ZNF507: variants seen among roughly 807,000 people sequenced by gnomAD.
ZNF507 encodes the protein zinc finger protein 507.
ZNF507 carries 29 observed loss-of-function variants against 80.0 expected under a neutral mutation model. The observed-to-expected ratio is 0.36, with a 90% CI of 0.27 to 0.49. ZNF507 has a LOEUF of 0.49. Ranked by LOEUF, ZNF507 falls within the 20% of genes least tolerant of loss-of-function variation. The pLI is 0.98. For missense variants in ZNF507, 1,081 were observed against 1,152.2 expected (o/e 0.94, Z 0.90); for synonymous variants, 462 against 422.5 (o/e 1.09, Z -1.15).
rs1414830882 is a variant in ZNF507 at position 32,385,667 on chromosome 19, A to C, written c.*2584A>C. ...CTGTCTCTACAAGAAATTAAAAATT[A>C]GCCAGGCATAGTTGGCACGTGCCTG... On this transcript the variant is annotated 3_prime_UTR_variant, in exon 7 of 7. Transcript: ENST00000355898. The C allele has an allele frequency of 6.6e-6, 1 of 152,236 alleles. No individual in the cohort carries two copies. Among genetic ancestry groups the C allele is most frequent in the East Asian group, 1.9e-4 (1 of 5,192 alleles). The allele number at this position is 152,236 out of a possible 1,614,324, so 9.4% of individuals were successfully genotyped here.
At chr19:32,381,788 G>A (rs1967626271) in intron 5 of ZNF507, among the ~76,000 whole-genome samples, 2 of 152,118 alleles carry the variant, frequency 1.3e-5, no homozygotes, top group African/African-American at 4.8e-5. Context: ...GGGAGGAGGG[G>A]TTATAGGAGG....
intron 5 of ZNF507, chr19:32,380,650 G>C: frequency 3.9e-6 from 6 of 1,531,026 alleles, no homozygotes; most frequent in Non-Finnish European, 5.3e-6. Context: ...TGTTAGGTTT[G>C]TAATTAAGTA....
In ZNF507 at chr19:32,382,998, T is replaced by C; in HGVS notation, c.2777T>C (p.Leu926Pro). 6.2e-7 allele frequency: 1 copy of C among 1,614,146 alleles called. No individual in the cohort carries two copies. The change falls in exon 7 of 7, where the codon CTC becomes CCC. Residue 926 changes from leucine to proline, a missense_variant. Transcript: ENST00000355898. The stretch of plus-strand genomic sequence containing the variant: ...TTTGAATCAACCAGCAAAGAAAACC[T>C]CTTGGATCATATGAAAGAGCACGAG... ...CGFESTSKEN[L>P]LDHMKEHEGE... is the part of the protein sequence containing the mutation.
chr19:32,356,739 T>C lies in ZNF507; in HGVS notation c.2245+6T>C. 3 of 1,608,788 alleles carry C rather than the reference T, an allele frequency of 1.9e-6. No individual in the cohort carries two copies. Among genetic ancestry groups the C allele is most frequent in the Non-Finnish European group, 2.6e-6 (3 of 1,175,172 alleles). ...TGGAAAATGTGTCCAGGAAGGTATC[T>C]ATGTATTTTGTTATGCAGGCTGCAG... On this transcript the variant is annotated splice_donor_region_variant and intron_variant, in intron 4 of 6. Coordinates refer to ENST00000355898, the MANE Select transcript of ZNF507 (RefSeq NM_001136156.2).
intron 5 of ZNF507, chr19:32,380,673 G>A: frequency 6.6e-7 from 1 of 1,509,270 alleles, no homozygotes; most frequent in East Asian, 2.5e-5. Flanking sequence ...TAACAAAAAT[G>A]TCTTTGGAAA....
intron 5 of ZNF507, among the ~76,000 whole-genome samples, chr19:32,374,156 G>A (rs949723587): frequency 7.2e-5 from 8 of 110,496 alleles, no homozygotes; most frequent in African/African-American, 1.6e-4. Flanking sequence ...GCTCGGAACC[G>A]TGCAAAGCAA....
chr19:32,352,713 C>A, intron 2 of ZNF507, 116 bp from the exon 3 acceptor site: 1 of 905,710 alleles, frequency 1.1e-6, no homozygotes, highest in Non-Finnish European at 1.6e-6. Flanking sequence ...GAGCTTCCAG[C>A]TTAGAAAATA....
At chr19:32,348,890 G>A (rs190517012) in intron 2 of ZNF507, among the ~76,000 whole-genome samples, 143 of 152,194 alleles carry the variant, frequency 9.4e-4, no homozygotes, top group African/African-American at 3.3e-3. Flanking sequence ...TGCTTTTCTG[G>A]TCACTGCTAC....
In ZNF507 at chr19:32,352,814, C is replaced by T; in HGVS notation, c.-2-15C>T. ...TGTAACCTGGTATTTTTCTGTTTTA[C>T]ATTATCCTTTTTAGATATGGAAGAA... On this transcript the variant is annotated splice_polypyrimidine_tract_variant and intron_variant, in intron 2 of 6. Coordinates refer to ENST00000355898, the MANE Select transcript of ZNF507 (RefSeq NM_001136156.2). 1.3e-6 allele frequency: 2 copies of T among 1,546,500 alleles called. No homozygotes were observed. Among genetic ancestry groups the T allele is most frequent in the Admixed American group, 2.2e-5 (1 of 46,258 alleles).
chr19:32,361,731 CTTCCT>C (rs1336633815), intron 5 of ZNF507, among the ~76,000 whole-genome samples: 59 of 143,516 alleles, frequency 4.1e-4, no homozygotes, highest in Non-Finnish European at 6.8e-4. Flanking sequence ...TCTTCCTTTC[CTTCCT>C]TTCCTTTCCT....
chr19:32,372,876 T>C (rs985555042), intron 5 of ZNF507, among the ~76,000 whole-genome samples: 10 of 152,224 alleles, frequency 6.6e-5, no homozygotes, highest in Non-Finnish European at 1.2e-4. Context: ...ACTGTGGTGC[T>C]GTGTGTCTTA....
At chr19:32,346,916 A>G (rs901086942) in intron 1 of ZNF507, among the ~76,000 whole-genome samples, 1 of 152,210 alleles carries the variant, frequency 6.6e-6, no homozygotes, top group African/African-American at 2.4e-5. Context: ...GCAATGTGCA[A>G]TTTATTGTTC....
chr19:32,356,196 C>T (rs573695386), intron 3 of ZNF507, among the ~76,000 whole-genome samples: 3 of 152,298 alleles, frequency 2.0e-5, no homozygotes, highest in African/African-American at 4.8e-5. Flanking sequence ...CTTGGAGGAG[C>T]ACTTCCAGTT....
chr19:32,386,371 T>C lies in ZNF507; in HGVS notation c.*3288T>C, dbSNP rs1967689785. ...AGACTTATTGTGTTTTTAGTTTTCA[T>C]AGACACTTATTTAATCTTTTTAAAT... is the stretch of plus-strand genomic sequence containing the variant. On this transcript the variant is annotated 3_prime_UTR_variant, in exon 7 of 7. Coordinates refer to ENST00000355898, the MANE Select transcript of ZNF507 (RefSeq NM_001136156.2). The C allele has an allele frequency of 1.3e-5, 2 of 152,648 alleles. No individual in the cohort carries two copies. The highest frequency in any genetic ancestry group is 2.4e-5 in the African/African-American group (1 of 41,468). The allele number at this position is 152,648 out of a possible 1,614,324, so 9.5% of individuals were successfully genotyped here.
intron 4 of ZNF507, 25 bp from the exon 5 acceptor site, chr19:32,360,479 T>C: frequency 7.2e-7 from 1 of 1,391,508 alleles, no homozygotes; most frequent in Non-Finnish European, 9.8e-7. Flanking sequence ...AGCCTGCTAC[T>C]AAAACTCTGA....
intron 3 of ZNF507, among the ~76,000 whole-genome samples, chr19:32,356,415 G>A (rs546236250): frequency 5.1e-4 from 77 of 152,156 alleles, no homozygotes; most frequent in Non-Finnish European, 7.6e-4. Flanking sequence ...GGAACTGTCC[G>A]TTGAATGTGA....
rs772981292 is a variant in ZNF507 at position 32,353,410 on chromosome 19, G to A, written c.580G>A (p.Val194Ile). ...IHTQSKAQQC[V>I]SPSSSLCRKT... The stretch of plus-strand genomic sequence containing the variant: ...CACCCAATCCAAAGCCCAACAGTGC[G>A]TAAGCCCCTCCAGCTCTTTGTGTCG... Residue 194 changes from valine to isoleucine, a missense_variant, in exon 3 of 7, where the codon GTA (valine) becomes ATA (isoleucine). By Grantham distance (29) the Val-to-Ile change is conservative. Coordinates refer to ENST00000355898, the MANE Select transcript of ZNF507 (RefSeq NM_001136156.2). 39 of 1,614,174 alleles carry A rather than the reference G, an allele frequency of 2.4e-5. 1 individual carries two copies. Among genetic ancestry groups the A allele is most frequent in the South Asian group, 1.9e-4 (17 of 91,078 alleles).
intron 2 of ZNF507, among the ~76,000 whole-genome samples, chr19:32,350,143 T>C (rs1207073077): frequency 1.3e-5 from 2 of 152,016 alleles, no homozygotes; most frequent in Admixed American, 1.3e-4. Flanking sequence ...ATTGAAAGAG[T>C]TGGCCTTACA....
At chr19:32,365,511 A>G (rs370756097) in intron 5 of ZNF507, among the ~76,000 whole-genome samples, 3 of 152,144 alleles carry the variant, frequency 2.0e-5, no homozygotes, top group African/African-American at 7.2e-5. Context: ...TGATTTTTGT[A>G]TAAGGTGAGA....
Sources: allele counts gnomAD v4.1 joint callset (sites outside exome capture counted in the v4.1 genomes callset), GRCh38; gene constraint gnomAD v4.1.1; transcripts MANE v1.5; gene names NCBI Gene and HGNC (gene_info 2026-07-23, HGNC 2026-07-21).